The following SMARCB1 variants were observed in gnomAD, a reference collection of about 807,000 sequenced individuals.
SMARCB1 encodes SWI/SNF-related matrix-associated actin-dependent regulator of chromatin subfamily B member 1.
In SMARCB1, 5 loss-of-function variants were observed where a neutral mutation model predicts 49.0. That is an observed-to-expected ratio of 0.10 (90% CI 0.05 to 0.21). SMARCB1 has a LOEUF of 0.21. Ranked by LOEUF, SMARCB1 falls within the 10% of genes least tolerant of loss-of-function variation. The pLI is 1.00. For synonymous variants in SMARCB1, 201 were observed against 200.1 expected, an observed-to-expected ratio of 1.00 and a Z score of -0.04; for missense variants, 226 against 509.2, an observed-to-expected ratio of 0.44 and a Z score of 5.35.
intron 3 of SMARCB1, among the ~76,000 whole-genome samples, chr22:23,797,544 T>TTG (rs1294449909): frequency 3.3e-5 from 5 of 149,716 alleles, no homozygotes; most frequent in Non-Finnish European, 5.9e-5. Flanking sequence ...TTTCCTGACC[T>TTG]TGTGATCCGC....
intron 6 of SMARCB1, chr22:23,817,734 G>A (rs916177420): frequency 6.6e-6 from 1 of 152,192 alleles, no homozygotes; most frequent in African/African-American, 2.4e-5. Context: ...TTCCCACTGT[G>A]GTTCTCCGTG....
At chr22:23,833,028 A>T (rs1461783537) in intron 7 of SMARCB1, among the ~76,000 whole-genome samples, 1 of 151,752 alleles carries the variant, frequency 6.6e-6, no homozygotes, top group Non-Finnish European at 1.5e-5. Context: ...TTCGGCCAGG[A>T]GGTGGGCTGA....
chr22:23,820,024 C>G (rs2029998188), intron 6 of SMARCB1, among the ~76,000 whole-genome samples: 3 of 151,816 alleles, frequency 2.0e-5, no homozygotes, highest in African/African-American at 4.8e-5. Flanking sequence ...GAGACGGGGT[C>G]TCATCATATT....
intron 1 of SMARCB1, among the ~76,000 whole-genome samples, chr22:23,789,620 G>A (rs1285657409): frequency 6.6e-6 from 1 of 152,180 alleles, no homozygotes; most frequent in Admixed American, 6.5e-5. Flanking sequence ...GCTAATTACA[G>A]TCTTGTCTTT....
Position 23,834,978 on chromosome 22 carries a change from G to C in SMARCB1, c.*798G>C. 6.5e-7 allele frequency: 1 copy of C among 1,538,768 alleles called. No homozygotes were observed. Among genetic ancestry groups the C allele is most frequent in the Non-Finnish European group, 8.7e-7 (1 of 1,145,552 alleles). On this transcript the variant is annotated 3_prime_UTR_variant, in exon 9 of 9. Coordinates refer to ENST00000644036, the MANE Select transcript of SMARCB1 (RefSeq NM_003073.5). Reference sequence around the variant, plus strand: ...TGTGGGCACTGCTGGGCTGTCGCCAGCCTGGGTGCAGGAGGGCTGTTCTAG... The same window carrying C: ...TGTGGGCACTGCTGGGCTGTCGCCACCCTGGGTGCAGGAGGGCTGTTCTAG...
Position 23,836,783 on chromosome 22 carries a change from T to C in SMARCB1, c.*2603T>C. 6 of 1,411,770 alleles carry C rather than the reference T, an allele frequency of 4.2e-6. No individual in the cohort carries two copies. The highest frequency in any genetic ancestry group is 5.5e-6 in the Non-Finnish European group (6 of 1,083,230). 87.5% of individuals were successfully genotyped at this position (1,411,770 alleles called of 1,614,324 possible). On this transcript the variant is annotated 3_prime_UTR_variant, in exon 9 of 9. Transcript: ENST00000644036. ...TGGGCCCTTGCATGGGCCCAGCCTT[T>C]AGGATGGGTTTTTTCTGCCCCAAGT...
At chr22:23,816,688 C>A in intron 5 of SMARCB1, 82 bp from the exon 6 acceptor site, 1 of 1,370,954 alleles carries the variant, frequency 7.3e-7, no homozygotes, top group Non-Finnish European at 1.0e-6. Context: ...TGTTTGGCTT[C>A]AAAGAAGAAG....
chr22:23,792,791 C>G (rs571121118), intron 2 of SMARCB1: 1 of 154,410 alleles, frequency 6.5e-6, no homozygotes, highest in Non-Finnish European at 1.4e-5. Context: ...CCTTTTTGTT[C>G]CCCCTCCTCC....
chr22:23,829,007 A>T (rs1379917942), intron 7 of SMARCB1, among the ~76,000 whole-genome samples: 2 of 152,220 alleles, frequency 1.3e-5, no homozygotes, highest in Non-Finnish European at 2.9e-5. Context: ...AGAGTGACAC[A>T]GGCGTCCCAG....
At chr22:23,819,504 G>T (rs1445969358) in intron 6 of SMARCB1, among the ~76,000 whole-genome samples, 1 of 151,804 alleles carries the variant, frequency 6.6e-6, no homozygotes, top group Non-Finnish European at 1.5e-5. Flanking sequence ...AATTTTTTTG[G>T]ATTTTTAATA....
chr22:23,809,809 T>C (rs1204731764), intron 5 of SMARCB1, among the ~76,000 whole-genome samples: 1 of 152,168 alleles, frequency 6.6e-6, no homozygotes, highest in Non-Finnish European at 1.5e-5. Context: ...TAGAATCCTG[T>C]ACCCAGTGAC....
chr22:23,808,228 C>G (rs1251330720), intron 5 of SMARCB1, among the ~76,000 whole-genome samples: 1 of 152,014 alleles, frequency 6.6e-6, no homozygotes, highest in African/African-American at 2.4e-5. Context: ...TCACGCCATT[C>G]TCCTGCCTCA....
chr22:23,823,508 A>G (rs1714457930), intron 6 of SMARCB1: 1 of 152,328 alleles, frequency 6.6e-6, no homozygotes, highest in African/African-American at 2.4e-5. Flanking sequence ...AGGACACTGC[A>G]GCTCTGCCCT....
chr22:23,798,607 C>T (rs1228053846), intron 3 of SMARCB1, among the ~76,000 whole-genome samples: 4 of 152,054 alleles, frequency 2.6e-5, no homozygotes, highest in Admixed American at 1.3e-4. Flanking sequence ...CAGCATCAGA[C>T]GTGTAAGTGA....
Position 23,787,282 on chromosome 22 carries a change from C to T in SMARCB1, c.93+20C>T, listed in dbSNP as rs1382842452. The T allele has an allele frequency of 2.7e-6, 4 of 1,487,420 alleles. No homozygotes were observed. The highest frequency in any genetic ancestry group is 1.7e-5 in the Admixed American group (1 of 57,446). 92.1% of individuals were successfully genotyped at this position (1,487,420 alleles called of 1,614,324 possible). ...TCCGAGGTAGCCCGGGGCGCGTTCT[C>T]GCCCTCCCCGGGCTCGGCCCCGCGG... On this transcript the variant is annotated intron_variant, in intron 1 of 8. Transcript: ENST00000644036.
intron 1 of SMARCB1, among the ~76,000 whole-genome samples, chr22:23,790,623 G>A (rs775766661): frequency 1.3e-5 from 2 of 151,474 alleles, no homozygotes; most frequent in Non-Finnish European, 2.9e-5. Flanking sequence ...TGGGCAGATC[G>A]CTTGAGCCCA....
intron 2 of SMARCB1, chr22:23,792,574 A>G (rs759471309): frequency 7.0e-5 from 12 of 171,198 alleles, no homozygotes; most frequent in Non-Finnish European, 1.4e-4. Flanking sequence ...CCACGTGGCA[A>G]TGGCGCCTTG....
chr22:23,792,082 A>G (rs1928416272), intron 2 of SMARCB1, 188 bp downstream of exon 2: 9 of 640,678 alleles, frequency 1.4e-5, no homozygotes, highest in Admixed American at 4.5e-5. Flanking sequence ...TTGGTGGTCC[A>G]CTGTCAGTTA....
intron 3 of SMARCB1, among the ~76,000 whole-genome samples, chr22:23,795,203 G>A (rs6003887): frequency 0.051 from 7,796 of 151,840 alleles, 579 homozygotes; most frequent in African/African-American, 0.16. Context: ...CAGGAGGATC[G>A]CTTGAGCCCA....
Sources: allele counts gnomAD v4.1 joint callset (sites outside exome capture counted in the v4.1 genomes callset), GRCh38; gene constraint gnomAD v4.1.1; transcripts MANE v1.5; gene names NCBI Gene and HGNC (gene_info 2026-07-23, HGNC 2026-07-21).